Variants in RB1 observed in about 807,000 individuals in gnomAD.
RB1 encodes RB transcriptional corepressor 1.
Under a neutral mutation model 135.4 loss-of-function variants are expected in RB1, and 18 were observed. The observed-to-expected ratio is 0.13, with a 90% CI of 0.09 to 0.20. RB1 has a LOEUF of 0.20. RB1 is among the 10% of genes least tolerant of loss of function. RB1 has a pLI of 1.00. For missense variants in RB1, 868 were observed against 1,110.0 expected (o/e 0.78, Z 3.10); for synonymous variants, 365 against 373.2 (o/e 0.98, Z 0.25).
chr13:48,317,486 T>C, intron 2 of RB1: 1 of 442,640 alleles, frequency 2.3e-6, no homozygotes, highest in South Asian at 2.2e-5. Flanking sequence ...AAGCCCCGGC[T>C]CCCGCAGCCC....
intron 2 of RB1, among the ~76,000 whole-genome samples, chr13:48,309,085 G>C (rs1042123239): frequency 4.6e-5 from 7 of 152,096 alleles, no homozygotes; most frequent in Non-Finnish European, 7.4e-5. Context: ...GTATTCGTAA[G>C]AATAATGCCT....
intron 17 of RB1, among the ~76,000 whole-genome samples, chr13:48,399,314 A>G: frequency 6.6e-6 from 1 of 152,050 alleles, no homozygotes; most frequent in Non-Finnish European, 1.5e-5. Flanking sequence ...AACGACAAAG[A>G]AGGGAAAATA....
At chr13:48,391,259 G>A (rs1006201826) in intron 17 of RB1, 9 of 151,978 alleles carry the variant, frequency 5.9e-5, no homozygotes, top group African/African-American at 2.2e-4. Flanking sequence ...CCAACCTTTG[G>A]GCTGTTGTTG....
intron 2 of RB1, among the ~76,000 whole-genome samples, chr13:48,324,924 C>T (rs1018606049): frequency 2.0e-5 from 3 of 150,936 alleles, no homozygotes; most frequent in Admixed American, 2.0e-4. Context: ...TTCATGATGG[C>T]ATATGCATCA....
chr13:48,415,744 T>G (rs1948897987), intron 17 of RB1: 1 of 152,228 alleles, frequency 6.6e-6, no homozygotes, highest in Non-Finnish European at 1.5e-5. Flanking sequence ...TGTTTGCTGA[T>G]GAATGAATCA....
At chr13:48,313,204 C>A (rs181101807) in intron 2 of RB1, among the ~76,000 whole-genome samples, 54 of 152,096 alleles carry the variant, frequency 3.6e-4, no homozygotes, top group Non-Finnish European at 1.9e-4. Flanking sequence ...TTTCTTTTAG[C>A]CTAAATTCTG....
chr13:48,316,437 GT>G (rs1373519961), intron 2 of RB1, among the ~76,000 whole-genome samples: 1 of 152,048 alleles, frequency 6.6e-6, no homozygotes, highest in Non-Finnish European at 1.5e-5. Flanking sequence ...AAACATCAGA[GT>G]CTCTGTGAAC....
In RB1 at chr13:48,433,682, A is replaced by ATTT. The variant is rs10665957; in HGVS notation, c.1696-19300_1696-19298dup. On this transcript the variant is annotated intron_variant, in intron 17 of 26. Coordinates refer to ENST00000267163, the MANE Select transcript of RB1 (RefSeq NM_000321.3). Reference sequence around the variant, plus strand: ...TTTGTTTTACTGTTAACAAAAATGCATTTTTTTTTTTTTACCTTTAGTAGG... The same window carrying ATTT: ...TTTGTTTTACTGTTAACAAAAATGCATTTTTTTTTTTTTTTTACCTTTAGTAGG... 3.5e-3 allele frequency among the ~76,000 whole-genome samples: 513 copies of ATTT among 147,166 alleles called. 1 individual carries two copies. Among genetic ancestry groups the ATTT allele is most frequent in the African/African-American group, 8.6e-3 (346 of 40,358 alleles).
At chr13:48,346,362 T>TTA (rs201617794) in intron 4 of RB1, among the ~76,000 whole-genome samples, 5 of 126,294 alleles carry the variant, frequency 4.0e-5, no homozygotes, top group Non-Finnish European at 8.3e-5. Flanking sequence ...GAGTAGAATA[T>TTA]TATATATATG....
chr13:48,480,047 T>C lies in RB1; in HGVS notation c.2763T>C (p.Asp921=). The change falls in exon 27 of 27, where the codon GAT becomes GAC. Residue 921 remains aspartate (D), a synonymous_variant. Transcript: ENST00000267163. Reference sequence around the variant, plus strand: ...AGCAGAAAATGAATGATAGCATGGATACCTCAAACAAGGAAGAGAAATGAG... The same window carrying C: ...AGCAGAAAATGAATGATAGCATGGACACCTCAAACAAGGAAGAGAAATGAG... ...MQKQKMNDSM[D]TSNKEEK 1 of 1,613,308 alleles carries C rather than the reference T, an allele frequency of 6.2e-7. No individual in the cohort carries two copies. Among genetic ancestry groups the C allele is most frequent in the Non-Finnish European group, 8.5e-7 (1 of 1,179,402 alleles).
At chr13:48,416,963 T>TG (rs965976627) in intron 17 of RB1, among the ~76,000 whole-genome samples, 61 of 152,242 alleles carry the variant, frequency 4.0e-4, no homozygotes, top group Admixed American at 1.2e-3. Flanking sequence ...ACAGAGCACC[T>TG]GGGGGAAGGG....
At chr13:48,412,356 A>G (rs768816474) in intron 17 of RB1, 2 of 1,613,786 alleles carry the variant, frequency 1.2e-6, no homozygotes, top group African/African-American at 2.7e-5. Flanking sequence ...CATGCTGAAC[A>G]TGCACCCATA....
At position 48,435,174 on chromosome 13, in the gene RB1, G is replaced by A. The variant is rs181317285; in HGVS notation, c.1696-17819G>A. On this transcript the variant is annotated intron_variant, in intron 17 of 26. Coordinates refer to ENST00000267163, the MANE Select transcript of RB1 (RefSeq NM_000321.3). ...AGTGGTTGAATCATTTTAAATTTCC[G>A]CCAGCAATATACGAGTGAGTGATCC... Among the ~76,000 whole-genome samples the A allele has an allele frequency of 3.9e-4, 60 of 152,196 alleles. No individual in the cohort carries two copies. In the East Asian group the frequency reaches 5.2e-3, roughly 13 times the overall value.
intron 17 of RB1, among the ~76,000 whole-genome samples, chr13:48,442,214 T>G (rs954805867): frequency 2.6e-5 from 4 of 152,104 alleles, no homozygotes; most frequent in African/African-American, 7.2e-5. Context: ...TTATTTTTTT[T>G]TTTTGAAATG....
chr13:48,352,729 T>G (rs978603411), intron 6 of RB1, among the ~76,000 whole-genome samples: 2 of 152,184 alleles, frequency 1.3e-5, no homozygotes, highest in African/African-American at 2.4e-5. Context: ...CTGAAGTTGT[T>G]GATCAGCTGA....
At position 48,481,832 on chromosome 13, in the gene RB1, T is replaced by C. The variant is rs1221912166; in HGVS notation, c.*1761T>C. On this transcript the variant is annotated 3_prime_UTR_variant, in exon 27 of 27. Coordinates refer to ENST00000267163, the MANE Select transcript of RB1 (RefSeq NM_000321.3). ...TGTACATTTAAAATTGCTATGTTAC[T>C]ATTTTCTACAATTAATAGTTTGTCT... 9.0e-6 allele frequency: 2 copies of C among 222,176 alleles called. No homozygotes were observed. The highest frequency in any genetic ancestry group is 2.2e-5 in the African/African-American group (1 of 44,796). 13.8% of individuals were successfully genotyped at this position (222,176 alleles called of 1,614,324 possible).
At chr13:48,342,942 G>A (rs1952460710) in intron 3 of RB1, among the ~76,000 whole-genome samples, 1 of 152,046 alleles carries the variant, frequency 6.6e-6, no homozygotes, top group Admixed American at 6.5e-5. Flanking sequence ...AATTTTCATT[G>A]TGTCTCTCAC....
chr13:48,347,757 A>G (rs1276914871), intron 4 of RB1, 68 bp from the exon 5 acceptor site: 2 of 1,041,122 alleles, frequency 1.9e-6, no homozygotes, highest in Non-Finnish European at 2.9e-6. Context: ...TAAATAAAGC[A>G]TGAGAAAACT....
chr13:48,319,842 C>A lies in RB1; in HGVS notation c.264+12436C>A. ...TCTGCTCGAAGGAGTCGTTGCTGCT[C>A]GCTCTGACCGGGAAGGCAGAACCCT... On this transcript the variant is annotated intron_variant, in intron 2 of 26. Transcript: ENST00000267163. This position sits in a 1 kb window ranked among gnomAD's most constrained non-coding sequence, Gnocchi z 5.0. The A allele has an allele frequency of 6.1e-6, 2 of 325,632 alleles. No individual in the cohort carries two copies. The highest frequency in any genetic ancestry group is 3.7e-5 in the South Asian group (1 of 27,078). The allele number at this position is 325,632 out of a possible 1,614,324, so 20.2% of individuals were successfully genotyped here. A position where few individuals can be genotyped will look rare whatever the true frequency, so the allele number is the denominator to read the frequency against.
Sources: gnomAD v4.1 joint callset for allele counts (sites outside exome capture counted in the v4.1 genomes callset) on GRCh38, gnomAD v4.1.1 for gene constraint, Gnocchi (gnomAD v3.1) non-coding constraint, MANE v1.5 for transcripts, NCBI Gene and HGNC (gene_info 2026-07-23, HGNC 2026-07-21) for gene names.